The following PXK variants were observed in gnomAD, a reference collection of about 807,000 sequenced individuals.
PXK encodes the protein PX domain containing serine/threonine kinase like.
In PXK, 35 loss-of-function variants were observed where a neutral mutation model predicts 84.7. The observed-to-expected ratio is 0.41, with a 90% confidence interval of 0.32 to 0.55. The LOEUF is 0.55. Ranked by LOEUF, PXK falls within the 20% of genes least tolerant of loss-of-function variation. The pLI, the probability that PXK is intolerant of heterozygous loss-of-function variation, is 0.21. For synonymous variants in PXK, 253 were observed against 260.8 expected, an observed-to-expected ratio of 0.97 and a Z score of 0.29; for missense variants, 634 against 699.7, an observed-to-expected ratio of 0.91 and a Z score of 1.06.
intron 1 of PXK, among the ~76,000 whole-genome samples, chr3:58,351,947 G>GGAAGAAA: frequency 6.6e-6 from 1 of 152,306 alleles, no homozygotes; most frequent in African/African-American, 2.4e-5. Context: ...TACAAAGCTG[G>GGAAGAAA]CCATTGTGCT....
At chr3:58,367,370 G>A (rs928409306) in intron 2 of PXK, among the ~76,000 whole-genome samples, 7 of 151,562 alleles carry the variant, frequency 4.6e-5, no homozygotes, top group East Asian at 3.9e-4. Flanking sequence ...TTAGCCTCCC[G>A]AGTAGCTGGG....
At chr3:58,353,442 G>A (rs1459348502) in intron 1 of PXK, among the ~76,000 whole-genome samples, 1 of 152,052 alleles carries the variant, frequency 6.6e-6, no homozygotes, top group Non-Finnish European at 1.5e-5. Context: ...CATTTGTTTT[G>A]GGGCAGTTTT....
At position 58,385,028 on chromosome 3, in the gene PXK, T is replaced by G. The variant is rs966981427; in HGVS notation, c.388+2328T>G. Reference sequence around the variant, plus strand: ...GTCTGAGTGTTTAAGTTAAAATGCTTTGTAACTCCTAGAAGGTTGTCTATT... The same window carrying G: ...GTCTGAGTGTTTAAGTTAAAATGCTGTGTAACTCCTAGAAGGTTGTCTATT... On this transcript the variant is annotated intron_variant, in intron 4 of 17. Coordinates refer to ENST00000356151, the MANE Select transcript of PXK (RefSeq NM_017771.5). This position sits in a 1 kb window ranked among gnomAD's most constrained non-coding sequence, Gnocchi z 5.1. 6.6e-6 allele frequency among the ~76,000 whole-genome samples: 1 copy of G among 152,206 alleles called. No homozygotes were observed. The highest frequency in any genetic ancestry group is 6.5e-5 in the Admixed American group (1 of 15,290).
chr3:58,393,845 A>G (rs2098655496), intron 7 of PXK, among the ~76,000 whole-genome samples: 1 of 152,176 alleles, frequency 6.6e-6, no homozygotes, highest in South Asian at 2.1e-4. Flanking sequence ...TTTACTTATT[A>G]GTTGGCATTC....
At chr3:58,423,435 G>A (rs1576913587) in intron 17 of PXK, 1 of 1,524,506 alleles carries the variant, frequency 6.6e-7, no homozygotes, top group African/African-American at 1.4e-5. Flanking sequence ...ATGAGCGTGT[G>A]TATTTGTGTG....
intron 9 of PXK, 144 bp from the exon 10 acceptor site, chr3:58,396,895 G>T: frequency 1.3e-6 from 1 of 783,984 alleles, no homozygotes. Context: ...AAACAAATGG[G>T]TAGAGGTGGC....
rs1218733328 is a variant in PXK, at chr3:58,425,792, CTAAA to C, written c.*835_*838del. ...CAATTATGATTTTTGAAAGATTTATCTAAATATATCAATATAGCATCTCTTTAAT... is the reference window on the plus strand; with the variant it reads ...CAATTATGATTTTTGAAAGATTTATCTATATCAATATAGCATCTCTTTAAT... On this transcript the variant is annotated 3_prime_UTR_variant, in exon 18 of 18. Coordinates refer to ENST00000356151, the MANE Select transcript of PXK (RefSeq NM_017771.5). The C allele has an allele frequency of 2.0e-5, 3 of 152,150 alleles. No homozygotes were observed. The highest frequency in any genetic ancestry group is 4.4e-5 in the Non-Finnish European group (3 of 68,038). 9.4% of individuals were successfully genotyped at this position (152,150 alleles called of 1,614,324 possible). A position where few individuals can be genotyped will look rare whatever the true frequency, so the allele number is the denominator to read the frequency against.
At chr3:58,343,611 C>T (rs1032202102) in intron 1 of PXK, among the ~76,000 whole-genome samples, 1 of 152,220 alleles carries the variant, frequency 6.6e-6, no homozygotes, top group Non-Finnish European at 1.5e-5. Context: ...CTTCTTCCCA[C>T]TCTGTAGATG....
At chr3:58,389,999 C>CAAAAAAAAAAAAAAAAAACAAAAA (rs2098607713) in intron 4 of PXK, among the ~76,000 whole-genome samples, 1 of 51,608 alleles carries the variant, frequency 1.9e-5, no homozygotes, top group Non-Finnish European at 3.2e-5. Context: ...AACTCCGTCT[C>CAAAAAAAAAAAAAAAAAACAAAAA]AAAAAAAAAA....
At position 58,366,795 on chromosome 3, in the gene PXK, C is replaced by G. The variant is rs145590005; in HGVS notation, c.153+871C>G. On this transcript the variant is annotated intron_variant, in intron 2 of 17. Transcript: ENST00000356151. ...ATTCACTTAACCTTTTAAAAATGTC[C>G]TATGTGGTAGTATTGTCCTCATTTT... is the stretch of plus-strand genomic sequence containing the variant. Among the ~76,000 whole-genome samples, 1,111 of 152,246 alleles carry G rather than the reference C, an allele frequency of 7.3e-3. 21 individuals are homozygous for G. Among genetic ancestry groups the G allele is most frequent in the African/African-American group, 0.026 (1,065 of 41,552 alleles).
chr3:58,377,394 T>A (rs1576276418), intron 3 of PXK, among the ~76,000 whole-genome samples: 2 of 152,150 alleles, frequency 1.3e-5, no homozygotes, highest in African/African-American at 4.8e-5. Context: ...TCAATACACA[T>A]GCCACTGGAC....
At chr3:58,389,715 G>T (rs924495751) in intron 4 of PXK, among the ~76,000 whole-genome samples, 3 of 151,688 alleles carry the variant, frequency 2.0e-5, no homozygotes, top group African/African-American at 2.4e-5. Context: ...TTAGCCAGGC[G>T]TCGGGCAGGT....
In PXK at chr3:58,383,329, G is replaced by A. The variant is rs924694564; in HGVS notation, c.388+629G>A. 2.6e-5 allele frequency among the ~76,000 whole-genome samples: 4 copies of A among 152,122 alleles called. No homozygotes were observed. The highest frequency in any genetic ancestry group is 1.9e-4 in the East Asian group (1 of 5,188). On this transcript the variant is annotated intron_variant, in intron 4 of 17. Transcript: ENST00000356151. This position sits in a 1 kb window ranked among gnomAD's most constrained non-coding sequence, Gnocchi z 4.0. ...ATAATAATAATTAATCCACAATAACGCATACAGTAATTTTTATATTACTTT... is the reference window on the plus strand; with the variant it reads ...ATAATAATAATTAATCCACAATAACACATACAGTAATTTTTATATTACTTT...
intron 3 of PXK, among the ~76,000 whole-genome samples, chr3:58,380,647 C>G (rs559436571): frequency 1.3e-5 from 2 of 151,942 alleles, no homozygotes; most frequent in East Asian, 3.9e-4. Flanking sequence ...CCCATCTCTA[C>G]TAAAAATACA....
rs1678875393 is a variant in PXK at position 58,385,798 on chromosome 3, C to T, written c.388+3098C>T. 6.6e-6 allele frequency among the ~76,000 whole-genome samples: 1 copy of T among 152,102 alleles called. No individual in the cohort carries two copies. Among genetic ancestry groups the T allele is most frequent in the Non-Finnish European group, 1.5e-5 (1 of 68,018 alleles). On this transcript the variant is annotated intron_variant, in intron 4 of 17. Coordinates refer to ENST00000356151, the MANE Select transcript of PXK (RefSeq NM_017771.5). This position sits in a 1 kb window ranked among gnomAD's most constrained non-coding sequence, Gnocchi z 5.1. ...ACAGGCATGAGCCACTGTGCCTGGCCCACTTTTCCCTTTTAATGTGGATAA... is the reference window on the plus strand; with the variant it reads ...ACAGGCATGAGCCACTGTGCCTGGCTCACTTTTCCCTTTTAATGTGGATAA...
At position 58,393,610 on chromosome 3, in the gene PXK, T is replaced by A. The variant is rs1157331903; in HGVS notation, c.616-1388T>A. Among the ~76,000 whole-genome samples, 3 of 152,288 alleles carry A rather than the reference T, an allele frequency of 2.0e-5. No homozygotes were observed. The East Asian group carries it at 5.8e-4, about 29-fold the overall frequency. ...AGTTTACTCAATCTTCTATTGACAT[T>A]TAGATCACCTCCAGCTTTTTGCTCT... On this transcript the variant is annotated intron_variant, in intron 7 of 17. Coordinates refer to ENST00000356151, the MANE Select transcript of PXK (RefSeq NM_017771.5).
chr3:58,425,173 C>CT lies in PXK; in HGVS notation c.*216dup. On this transcript the variant is annotated 3_prime_UTR_variant, in exon 18 of 18. Transcript: ENST00000356151. ...GCATTGCTCCCTTAAGATCTTGCTC[C>CT]TTTATTAACCCTGTAAAGGAGTCTT... 1.5e-6 allele frequency: 1 copy of CT among 671,414 alleles called. No individual in the cohort carries two copies. Among genetic ancestry groups the CT allele is most frequent in the South Asian group, 2.0e-5 (1 of 50,360 alleles). 41.6% of individuals were successfully genotyped at this position (671,414 alleles called of 1,614,324 possible).
chr3:58,376,406 A>G (rs951844793), intron 3 of PXK, among the ~76,000 whole-genome samples: 1 of 152,118 alleles, frequency 6.6e-6, no homozygotes, highest in East Asian at 1.9e-4. Context: ...CAAGAGCGAA[A>G]CTCTGTCTAA....
At chr3:58,404,546 G>A (rs1406709824) in intron 13 of PXK, among the ~76,000 whole-genome samples, 1 of 152,172 alleles carries the variant, frequency 6.6e-6, no homozygotes, top group Non-Finnish European at 1.5e-5. Flanking sequence ...TCCCAGTTGA[G>A]AGCTACTGAC....
Sources: gnomAD v4.1 joint callset for allele counts (sites outside exome capture counted in the v4.1 genomes callset) on GRCh38, gnomAD v4.1.1 for gene constraint, Gnocchi (gnomAD v3.1) non-coding constraint, MANE v1.5 for transcripts, NCBI Gene and HGNC (gene_info 2026-07-23, HGNC 2026-07-21) for gene names.